The following NSMAF variants were observed in gnomAD, a reference collection of about 807,000 sequenced individuals.
The protein encoded by NSMAF is neutral sphingomyelinase activation associated factor, also known as protein FAN.
Under a neutral mutation model 134.9 loss-of-function variants are expected in NSMAF, and 90 were observed. The ratio of observed to expected loss-of-function variants is 0.67; its 90% CI spans 0.56 to 0.79. The LOEUF (loss-of-function observed/expected upper bound fraction) is 0.79. NSMAF is among the 30% of genes least tolerant of loss of function. The pLI, the probability that NSMAF is intolerant of heterozygous loss-of-function variation, is 0.00. For missense variants in NSMAF, 1,010 were observed against 1,119.0 expected, an observed-to-expected ratio of 0.90 and a Z score of 1.39; for synonymous variants, 358 against 389.6, an observed-to-expected ratio of 0.92 and a Z score of 0.96.
chr8:58,595,498 T>G, intron 22 of NSMAF, 62 bp downstream of exon 22: 1 of 1,178,152 alleles, frequency 8.5e-7, no homozygotes, highest in Non-Finnish European at 1.3e-6. Flanking sequence ...TTTAATCCCA[T>G]GCCAAGACCC....
chr8:58,634,540 G>A (rs1216179893), intron 5 of NSMAF, among the ~76,000 whole-genome samples: 2 of 152,170 alleles, frequency 1.3e-5, no homozygotes, highest in African/African-American at 2.4e-5. Flanking sequence ...AGGAACGAGA[G>A]CTGTCAAGGC....
chr8:58,655,864 G>T (rs2129149083), intron 1 of NSMAF, among the ~76,000 whole-genome samples: 1 of 151,576 alleles, frequency 6.6e-6, no homozygotes, highest in Non-Finnish European at 1.5e-5. Context: ...CTGAGATCGT[G>T]CCACTGCACT....
Position 58,602,045 on chromosome 8 carries a change from T to C in NSMAF, c.1125+13A>G. 4 of 1,602,560 alleles carry C rather than the reference T, an allele frequency of 2.5e-6. No individual in the cohort carries two copies. The highest frequency in any genetic ancestry group is 3.4e-6 in the Non-Finnish European group (4 of 1,171,916). The stretch of plus-strand genomic sequence containing the variant: ...GTGTTGCTTAGAAACCAAGAATCTC[T>C]AAGTCCACATACCAGTAGTCTCTCC... On this transcript the variant is annotated intron_variant, in intron 14 of 30. Transcript: ENST00000038176.
chr8:58,622,855 A>T (rs1169372664), intron 9 of NSMAF, among the ~76,000 whole-genome samples: 2 of 152,150 alleles, frequency 1.3e-5, no homozygotes, highest in Non-Finnish European at 1.5e-5. Flanking sequence ...ATATTTTAAA[A>T]CAATGTCAGG....
intron 6 of NSMAF, among the ~76,000 whole-genome samples, chr8:58,627,721 AAAC>A (rs1288864653): frequency 1.3e-5 from 2 of 152,236 alleles, no homozygotes; most frequent in African/African-American, 4.8e-5. Context: ...TAGATGACAC[AAAC>A]AAATGGAAAC....
chr8:58,659,402 C>A, intron 1 of NSMAF, 171 bp downstream of exon 1: 2 of 1,515,158 alleles, frequency 1.3e-6, no homozygotes, highest in South Asian at 2.5e-5. Context: ...CCTCTCACCC[C>A]GACCTCAGGT....
At chr8:58,602,501 T>C (rs1441537347) in intron 13 of NSMAF, among the ~76,000 whole-genome samples, 1 of 152,122 alleles carries the variant, frequency 6.6e-6, no homozygotes, top group Non-Finnish European at 1.5e-5. Flanking sequence ...CGAATTCTAG[T>C]GAATATTATT....
chr8:58,605,566 A>C (rs1412446110), intron 12 of NSMAF, among the ~76,000 whole-genome samples: 1 of 152,204 alleles, frequency 6.6e-6, no homozygotes, highest in Non-Finnish European at 1.5e-5. Flanking sequence ...AATTTTAAAA[A>C]TATTATTTTG....
intron 1 of NSMAF, among the ~76,000 whole-genome samples, chr8:58,658,829 C>T (rs1299242735): frequency 1.3e-5 from 2 of 152,212 alleles, no homozygotes; most frequent in African/African-American, 4.8e-5. Context: ...ACCATTTTAG[C>T]TCAAGGGATC....
intron 2 of NSMAF, among the ~76,000 whole-genome samples, chr8:58,639,455 A>G (rs1807280190): frequency 6.6e-6 from 1 of 152,318 alleles, no homozygotes; most frequent in African/African-American, 2.4e-5. Context: ...AAAAGATAAC[A>G]GTTGTTGGCA....
At chr8:58,641,226 G>C (rs1807328618) in intron 2 of NSMAF, among the ~76,000 whole-genome samples, 1 of 152,058 alleles carries the variant, frequency 6.6e-6, no homozygotes, top group Non-Finnish European at 1.5e-5. Flanking sequence ...TGGCCTTACT[G>C]TTTCTTTTTA....
intron 2 of NSMAF, among the ~76,000 whole-genome samples, chr8:58,639,125 A>G (rs1807270855): frequency 6.6e-6 from 1 of 152,138 alleles, no homozygotes; most frequent in Non-Finnish European, 1.5e-5. Flanking sequence ...TCTAATAAAA[A>G]TACAAAAAAA....
At chr8:58,645,859 G>T (rs529596018) in intron 1 of NSMAF, among the ~76,000 whole-genome samples, 2 of 152,248 alleles carry the variant, frequency 1.3e-5, no homozygotes, top group South Asian at 4.1e-4. Context: ...TGGTCAACAT[G>T]GTGAAACCAC....
intron 2 of NSMAF, 104 bp downstream of exon 2, chr8:58,642,880 C>T (rs1369529922): frequency 3.0e-5 from 24 of 806,298 alleles, no homozygotes; most frequent in South Asian, 6.3e-5. Context: ...TTTTTAAAGC[C>T]TAATTTTTTC....
At chr8:58,595,817 G>A (rs371062183) in intron 21 of NSMAF, 158 bp from the exon 22 acceptor site, 15 of 555,184 alleles carry the variant, frequency 2.7e-5, no homozygotes, top group East Asian at 1.8e-4. Flanking sequence ...ATGGTTCCAC[G>A]TTAGTCAAGG....
At chr8:58,613,466 A>C (rs993702706) in intron 9 of NSMAF, among the ~76,000 whole-genome samples, 3 of 152,174 alleles carry the variant, frequency 2.0e-5, no homozygotes, top group Admixed American at 2.0e-4. Flanking sequence ...AATAACACAA[A>C]GTGCTACAGC....
intron 16 of NSMAF, among the ~76,000 whole-genome samples, chr8:58,600,682 G>C (rs1259888200): frequency 7.0e-6 from 1 of 143,270 alleles, no homozygotes; most frequent in Admixed American, 6.9e-5. Flanking sequence ...CATTGCAAAA[G>C]GAATTATTAT....
chr8:58,610,242 A>T (rs1409680039), intron 9 of NSMAF, among the ~76,000 whole-genome samples: 1 of 152,194 alleles, frequency 6.6e-6, no homozygotes. Flanking sequence ...AATTTACTGC[A>T]GAAAACCTCT....
In NSMAF at chr8:58,602,053, C is replaced by T; in HGVS notation, c.1125+5G>A. The T allele has an allele frequency of 1.2e-6, 2 of 1,608,684 alleles. No individual in the cohort carries two copies. Among genetic ancestry groups the T allele is most frequent in the Non-Finnish European group, 1.7e-6 (2 of 1,175,798 alleles). On this transcript the variant is annotated splice_donor_5th_base_variant and intron_variant, in intron 14 of 30. Transcript: ENST00000038176. ...TAGAAACCAAGAATCTCTAAGTCCA[C>T]ATACCAGTAGTCTCTCCAGCCGTTC...
Sources: allele counts gnomAD v4.1 joint callset (sites outside exome capture counted in the v4.1 genomes callset), GRCh38; gene constraint gnomAD v4.1.1; transcripts MANE v1.5; gene names NCBI Gene and HGNC (gene_info 2026-07-23, HGNC 2026-07-21).